Variants in CADM2 observed in about 807,000 individuals in gnomAD.
CADM2 encodes the protein immunoglobulin superfamily member 4D.
A neutral mutation model predicts 49.8 loss-of-function variants in CADM2; 12 were observed. That is an observed-to-expected ratio of 0.24 (90% CI 0.15 to 0.39). The LOEUF (loss-of-function observed/expected upper bound fraction) is 0.39. Among genes scored for constraint, CADM2 ranks in the 10% least tolerant of loss-of-function variants. The pLI is 1.00. For missense variants in CADM2, 378 were observed against 492.3 expected (o/e 0.77, Z 2.20); for synonymous variants, 214 against 175.4 (o/e 1.22, Z -1.74).
At chr3:85,560,433 GA>G (rs1413626432) in intron 1 of CADM2, among the ~76,000 whole-genome samples, 1 of 152,094 alleles carries the variant, frequency 6.6e-6, no homozygotes, top group Admixed American at 6.5e-5. Context: ...AAGAATGAAT[GA>G]AAAAAAGAAA....
intron 2 of CADM2, among the ~76,000 whole-genome samples, chr3:85,799,617 A>T (rs1424171890): frequency 6.6e-6 from 1 of 152,206 alleles, no homozygotes; most frequent in Non-Finnish European, 1.5e-5. Context: ...CCCCAGGATG[A>T]AATGACTTGA....
intron 1 of CADM2, among the ~76,000 whole-genome samples, chr3:85,720,193 G>A (rs1398395770): frequency 6.6e-6 from 1 of 152,092 alleles, no homozygotes; most frequent in Non-Finnish European, 1.5e-5. Context: ...TTTACTCATG[G>A]CCTCATTTGA....
At chr3:85,670,977 T>C (rs945534042) in intron 1 of CADM2, among the ~76,000 whole-genome samples, 2 of 152,124 alleles carry the variant, frequency 1.3e-5, no homozygotes, top group Non-Finnish European at 2.9e-5. Flanking sequence ...AAAGTCAAAG[T>C]GTGATTAGTT....
At chr3:85,419,089 C>T (rs1373789580) in intron 1 of CADM2, among the ~76,000 whole-genome samples, 1 of 152,114 alleles carries the variant, frequency 6.6e-6, no homozygotes, top group Non-Finnish European at 1.5e-5. Flanking sequence ...CATATTTCCA[C>T]ATTGTCCAGA....
intron 1 of CADM2, among the ~76,000 whole-genome samples, chr3:85,291,266 C>T (rs1248712277): frequency 2.0e-5 from 3 of 151,836 alleles, no homozygotes; most frequent in Non-Finnish European, 4.4e-5. Context: ...TGAGCAAAGC[C>T]TCCAAGAAAT....
At chr3:85,506,147 T>A (rs1463151799) in intron 1 of CADM2, among the ~76,000 whole-genome samples, 1 of 152,204 alleles carries the variant, frequency 6.6e-6, no homozygotes, top group African/African-American at 2.4e-5. Context: ...CATTATTTGG[T>A]GCCTATTGTT....
intron 1 of CADM2, among the ~76,000 whole-genome samples, chr3:85,664,827 T>A (rs913243912): frequency 6.6e-6 from 1 of 152,016 alleles, no homozygotes; most frequent in African/African-American, 2.4e-5. Flanking sequence ...TTTAGCACTT[T>A]ACTAAAATGG....
chr3:85,155,681 T>C (rs1484834364), intron 1 of CADM2, among the ~76,000 whole-genome samples: 6 of 151,994 alleles, frequency 3.9e-5, no homozygotes, highest in Non-Finnish European at 8.8e-5. Flanking sequence ...ATTGACCACA[T>C]AGTTGGAAGT....
intron 5 of CADM2, among the ~76,000 whole-genome samples, chr3:85,912,026 C>T (rs1347899310): frequency 1.3e-5 from 2 of 151,746 alleles, no homozygotes; most frequent in East Asian, 3.9e-4. Context: ...ACTCTGCAAG[C>T]TCTGCCTCCT....
intron 3 of CADM2, among the ~76,000 whole-genome samples, chr3:85,875,326 C>T (rs1009918867): frequency 3.3e-5 from 5 of 152,022 alleles, no homozygotes; most frequent in Non-Finnish European, 5.9e-5. Flanking sequence ...GAGCTACCAA[C>T]AAATAAAATA....
intron 8 of CADM2, chr3:86,014,838 C>T: frequency 6.6e-7 from 1 of 1,511,060 alleles, no homozygotes; most frequent in East Asian, 2.3e-5. Context: ...AGCCCTCCAC[C>T]TGCCTGACAT....
chr3:85,137,433 A>C (rs2039450927), intron 1 of CADM2, among the ~76,000 whole-genome samples: 1 of 152,038 alleles, frequency 6.6e-6, no homozygotes, highest in Non-Finnish European at 1.5e-5. Flanking sequence ...ACAAATAACA[A>C]CACAACGTAT....
At chr3:85,115,950 A>C (rs913947482) in intron 1 of CADM2, among the ~76,000 whole-genome samples, 2 of 152,226 alleles carry the variant, frequency 1.3e-5, no homozygotes, top group African/African-American at 4.8e-5. Flanking sequence ...CTAGTAACTG[A>C]ATAACATCAG....
chr3:85,910,768 A>C (rs1017661477), intron 5 of CADM2, among the ~76,000 whole-genome samples: 1 of 152,032 alleles, frequency 6.6e-6, no homozygotes, highest in Non-Finnish European at 1.5e-5. Context: ...ATTTTCCCCT[A>C]ATATGTGAAA....
intron 3 of CADM2, among the ~76,000 whole-genome samples, chr3:85,877,030 A>G (rs147901005): frequency 6.6e-6 from 1 of 152,272 alleles, no homozygotes; most frequent in Non-Finnish European, 1.5e-5. Context: ...ACTATTTAAT[A>G]GAGTTTTACT....
At chr3:85,454,449 T>G (rs2037900475) in intron 1 of CADM2, among the ~76,000 whole-genome samples, 1 of 152,092 alleles carries the variant, frequency 6.6e-6, no homozygotes, top group Admixed American at 6.6e-5. Flanking sequence ...AAAATGGAGC[T>G]GTTGAGAGGC....
intron 1 of CADM2, among the ~76,000 whole-genome samples, chr3:85,376,802 T>C (rs2033616596): frequency 6.6e-6 from 1 of 152,002 alleles, no homozygotes; most frequent in African/African-American, 2.4e-5. Context: ...ATTTTGCTTT[T>C]AAAATGAAAA....
At chr3:85,675,113 A>G (rs941218375) in intron 1 of CADM2, among the ~76,000 whole-genome samples, 1 of 152,128 alleles carries the variant, frequency 6.6e-6, no homozygotes, top group African/African-American at 2.4e-5. Context: ...AACTCCAGCT[A>G]TTACTAAAAT....
intron 3 of CADM2, 115 bp from the exon 4 acceptor site, chr3:85,883,176 A>G (rs1713063023): frequency 4.0e-6 from 3 of 746,054 alleles, no homozygotes; most frequent in Non-Finnish European, 6.0e-6. Context: ...AAGAAATAAG[A>G]TTTGAATGTA....
Sources: allele counts gnomAD v4.1 joint callset (sites outside exome capture counted in the v4.1 genomes callset), GRCh38; gene constraint gnomAD v4.1.1; transcripts MANE v1.5; gene names NCBI Gene and HGNC (gene_info 2026-07-23, HGNC 2026-07-21).